TSPAN5: variants seen among roughly 807,000 people sequenced by gnomAD.
TSPAN5 encodes the protein tetraspanin-5.
A neutral mutation model predicts 37.1 loss-of-function variants in TSPAN5; 10 were observed. That is an observed-to-expected ratio of 0.27 (90% CI 0.17 to 0.46). TSPAN5 has a LOEUF of 0.46. Among genes scored for constraint, TSPAN5 ranks in the 20% least tolerant of loss-of-function variants. The pLI is 1.00. For missense variants in TSPAN5, 195 were observed against 326.6 expected, an observed-to-expected ratio of 0.60 and a Z score of 3.11; for synonymous variants, 110 against 118.9, an observed-to-expected ratio of 0.93 and a Z score of 0.48.
chr4:98,533,842 A>G (rs558340457), intron 1 of TSPAN5, among the ~76,000 whole-genome samples: 10 of 145,040 alleles, frequency 6.9e-5, no homozygotes, highest in African/African-American at 2.3e-4. Flanking sequence ...GAGCCACAGC[A>G]CCCGGCCCCC....
At position 98,658,467 on chromosome 4, in the gene TSPAN5, G is replaced by A. The variant is rs972680637; in HGVS notation, c.-241C>T. ...CCGCGAGAAAGCAGGGAAGCCGCGC[G>A]CTGCAAGCTCAAGCCTCGCCGACGC... On this transcript the variant is annotated 5_prime_UTR_variant, in exon 1 of 8. Coordinates refer to ENST00000305798, the MANE Select transcript of TSPAN5 (RefSeq NM_005723.4). The A allele has an allele frequency of 1.1e-5, 3 of 281,814 alleles. No individual in the cohort carries two copies. 17.5% of individuals were successfully genotyped at this position (281,814 alleles called of 1,614,324 possible).
At chr4:98,654,588 C>G (rs1757258910) in intron 1 of TSPAN5, among the ~76,000 whole-genome samples, 1 of 152,054 alleles carries the variant, frequency 6.6e-6, no homozygotes, top group African/African-American at 2.4e-5. Context: ...ACAGAGGAAA[C>G]AAGTTTTCCC....
chr4:98,583,021 A>G (rs959441777), intron 1 of TSPAN5, among the ~76,000 whole-genome samples: 3 of 152,196 alleles, frequency 2.0e-5, no homozygotes, highest in East Asian at 3.9e-4. Context: ...CCATTAGAAA[A>G]TAGAACGTTG....
intron 2 of TSPAN5, among the ~76,000 whole-genome samples, chr4:98,490,787 T>C (rs963930235): frequency 6.6e-6 from 1 of 152,174 alleles, no homozygotes; most frequent in Non-Finnish European, 1.5e-5. Context: ...TTGGCCCGGC[T>C]TGATGGCTCA....
At chr4:98,533,151 C>CT (rs1447887165) in intron 1 of TSPAN5, among the ~76,000 whole-genome samples, 4 of 152,028 alleles carry the variant, frequency 2.6e-5, no homozygotes. Flanking sequence ...TGAAATTTTC[C>CT]TTTTTTGTGG....
At chr4:98,505,050 A>G (rs1377995314) in intron 2 of TSPAN5, among the ~76,000 whole-genome samples, 1 of 152,042 alleles carries the variant, frequency 6.6e-6, no homozygotes, top group Non-Finnish European at 1.5e-5. Flanking sequence ...AACCCTATTC[A>G]TGATGGCTCT....
At chr4:98,492,308 G>T (rs115917648) in intron 2 of TSPAN5, among the ~76,000 whole-genome samples, 4,141 of 152,244 alleles carry the variant, frequency 0.027, 78 homozygotes, top group Non-Finnish European at 0.042. Context: ...GCAGTGAGAA[G>T]CAGAAAACCG....
chr4:98,519,598 G>A (rs182050763), intron 1 of TSPAN5, among the ~76,000 whole-genome samples: 1 of 152,284 alleles, frequency 6.6e-6, no homozygotes, highest in Admixed American at 6.5e-5. Flanking sequence ...CTAAGAAAAC[G>A]TCCCAGTTTT....
chr4:98,638,542 A>C (rs1043816619), intron 1 of TSPAN5, among the ~76,000 whole-genome samples: 1 of 152,186 alleles, frequency 6.6e-6, no homozygotes, highest in African/African-American at 2.4e-5. Context: ...TGGTTATTTT[A>C]CATTTACTAG....
chr4:98,657,573 C>T, intron 1 of TSPAN5: 1 of 158,974 alleles, frequency 6.3e-6, no homozygotes, highest in Non-Finnish European at 1.4e-5. Context: ...GGAGAGCGTG[C>T]AGGAAACGTT....
chr4:98,607,033 G>C (rs1756054610), intron 1 of TSPAN5, among the ~76,000 whole-genome samples: 1 of 152,030 alleles, frequency 6.6e-6, no homozygotes, highest in Non-Finnish European at 1.5e-5. Context: ...TGGGGGAAGG[G>C]AGCAGCCGGG....
chr4:98,497,566 C>T (rs1323699703), intron 2 of TSPAN5, among the ~76,000 whole-genome samples: 1 of 152,146 alleles, frequency 6.6e-6, no homozygotes, highest in African/African-American at 2.4e-5. Context: ...CATGGTGCCC[C>T]TAAACTCAAG....
intron 1 of TSPAN5, among the ~76,000 whole-genome samples, chr4:98,573,428 T>TA (rs1294769074): frequency 6.6e-6 from 1 of 152,220 alleles, no homozygotes; most frequent in Non-Finnish European, 1.5e-5. Context: ...TTTGTACAGA[T>TA]AGAGTCTATG....
chr4:98,652,492 T>G (rs1282595736), intron 1 of TSPAN5, among the ~76,000 whole-genome samples: 1 of 152,216 alleles, frequency 6.6e-6, no homozygotes, highest in African/African-American at 2.4e-5. Flanking sequence ...ACTTTTCGAT[T>G]ATGAACAGAT....
chr4:98,647,380 C>T (rs1176855208), intron 1 of TSPAN5, among the ~76,000 whole-genome samples: 1 of 152,322 alleles, frequency 6.6e-6, no homozygotes, highest in East Asian at 1.9e-4. Context: ...GGAAGCACAA[C>T]ATTATGCTTT....
At chr4:98,479,612 A>C (rs1231350373) in intron 4 of TSPAN5, among the ~76,000 whole-genome samples, 1 of 152,236 alleles carries the variant, frequency 6.6e-6, no homozygotes, top group African/African-American at 2.4e-5. Flanking sequence ...AGACAGGGCT[A>C]TAAATGCCCT....
chr4:98,503,528 A>T (rs551796735), intron 2 of TSPAN5, among the ~76,000 whole-genome samples: 1 of 152,278 alleles, frequency 6.6e-6, no homozygotes, highest in Non-Finnish European at 1.5e-5. Flanking sequence ...GTAGATCCAG[A>T]ATCAATGAGT....
At chr4:98,628,324 T>C (rs1377570730) in intron 1 of TSPAN5, among the ~76,000 whole-genome samples, 2 of 152,122 alleles carry the variant, frequency 1.3e-5, no homozygotes, top group African/African-American at 2.4e-5. Context: ...CATGTCTAGA[T>C]ACAGTGGACC....
intron 2 of TSPAN5, among the ~76,000 whole-genome samples, chr4:98,494,589 G>T (rs62323581): frequency 6.6e-6 from 1 of 151,614 alleles, no homozygotes; most frequent in Non-Finnish European, 1.5e-5. Context: ...ATCCAAACAC[G>T]ATGTGAAGTG....
Sources: gnomAD v4.1 joint callset for allele counts (sites outside exome capture counted in the v4.1 genomes callset) on GRCh38, gnomAD v4.1.1 for gene constraint, MANE v1.5 for transcripts, NCBI Gene and HGNC (gene_info 2026-07-23, HGNC 2026-07-21) for gene names.